The following SLC41A2 variants were observed in gnomAD, a reference collection of about 807,000 sequenced individuals.
SLC41A2 encodes solute carrier family 41 member 2.
In SLC41A2, 32 loss-of-function variants were observed where a neutral mutation model predicts 58.3. That is an observed-to-expected ratio of 0.55 (90% CI 0.41 to 0.74). The LOEUF (loss-of-function observed/expected upper bound fraction) is 0.74. Among genes scored for constraint, SLC41A2 ranks in the 30% least tolerant of loss-of-function variants. The pLI, the probability that SLC41A2 is intolerant of heterozygous loss-of-function variation, is 0.00. For missense variants in SLC41A2, 514 were observed against 680.6 expected, an observed-to-expected ratio of 0.76 and a Z score of 2.72; for synonymous variants, 190 against 235.0, an observed-to-expected ratio of 0.81 and a Z score of 1.75.
intron 1 of SLC41A2, among the ~76,000 whole-genome samples, chr12:104,935,994 G>C (rs767881622): frequency 1.3e-5 from 2 of 151,768 alleles, no homozygotes; most frequent in Non-Finnish European, 2.9e-5. Flanking sequence ...AGTGAGCCAA[G>C]GTTACACCAC....
chr12:104,810,302 G>A (rs980311032), intron 10 of SLC41A2, among the ~76,000 whole-genome samples: 1 of 152,090 alleles, frequency 6.6e-6, no homozygotes, highest in Non-Finnish European at 1.5e-5. Flanking sequence ...TTTGCTGATT[G>A]AATAAGTAAT....
chr12:104,905,777 G>A (rs544208828), intron 3 of SLC41A2, among the ~76,000 whole-genome samples: 3 of 152,234 alleles, frequency 2.0e-5, no homozygotes, highest in East Asian at 1.9e-4. Context: ...CCCATTGCCC[G>A]GGGACAGCAG....
chr12:104,830,417 T>C (rs1429088049), intron 10 of SLC41A2, among the ~76,000 whole-genome samples: 3 of 152,206 alleles, frequency 2.0e-5, no homozygotes, highest in Admixed American at 2.0e-4. Flanking sequence ...ACTTCACTCA[T>C]GAGGATTCAA....
At chr12:104,919,718 C>T (rs990525323) in intron 2 of SLC41A2, among the ~76,000 whole-genome samples, 4 of 152,160 alleles carry the variant, frequency 2.6e-5, no homozygotes, top group Non-Finnish European at 5.9e-5. Context: ...AGAGTTCTTA[C>T]ATATACTAAT....
In SLC41A2 at chr12:104,866,440, A is replaced by T; in HGVS notation, c.1167T>A (p.Val389=). 6.2e-7 allele frequency: 1 copy of T among 1,612,282 alleles called. No homozygotes were observed. Among genetic ancestry groups the T allele is most frequent in the Non-Finnish European group, 8.5e-7 (1 of 1,179,230 alleles). ...CATATTTTAATACTAACCTACTTAT[A>T]ACCATAGCTGTTATGACAGGCTCCC... is the stretch of plus-strand genomic sequence containing the variant. ...SGWEPVITAM[V]ISSIGGLILD... Residue 389 remains valine, a synonymous_variant, in exon 7 of 11, where the codon GTT becomes GTA. Coordinates refer to ENST00000258538, the MANE Select transcript of SLC41A2 (RefSeq NM_001352171.3).
chr12:104,878,905 T>A (rs2044205478), intron 6 of SLC41A2, among the ~76,000 whole-genome samples: 1 of 152,228 alleles, frequency 6.6e-6, no homozygotes, highest in South Asian at 2.1e-4. Flanking sequence ...TCCACAATGG[T>A]TGAACTAGTT....
chr12:104,905,575 C>T (rs1224226417), intron 3 of SLC41A2, among the ~76,000 whole-genome samples: 1 of 152,188 alleles, frequency 6.6e-6, no homozygotes. Context: ...TGGCGCTCAT[C>T]GGGGAGGCTC....
rs567899166 is a variant in SLC41A2 at position 104,841,231 on chromosome 12, C to T, written c.1536+3241G>A. Among the ~76,000 whole-genome samples, 6 of 151,950 alleles carry T rather than the reference C, an allele frequency of 3.9e-5. No individual in the cohort carries two copies. In the East Asian group the frequency reaches 1.2e-3, roughly 29 times the overall value. ...GATCACTGTTAGAAGTTGTGGGGTT[C>T]TGTGTTTCATTTTTAATTGTTTTTA... On this transcript the variant is annotated intron_variant, in intron 10 of 10. Coordinates refer to ENST00000258538, the MANE Select transcript of SLC41A2 (RefSeq NM_001352171.3).
chr12:104,821,566 G>A (rs1056516263), intron 10 of SLC41A2, among the ~76,000 whole-genome samples: 5 of 152,178 alleles, frequency 3.3e-5, no homozygotes, highest in Non-Finnish European at 7.3e-5. Context: ...TTACATATAT[G>A]AATGAATCTC....
Position 104,848,017 on chromosome 12 carries a change from T to TA in SLC41A2, c.1256-2044dup, listed in dbSNP as rs147626616. Among the ~76,000 whole-genome samples the TA allele has an allele frequency of 9.4e-3, 1,432 of 152,306 alleles. 13 individuals carry two copies. Among genetic ancestry groups the TA allele is most frequent in the Admixed American group, 0.014 (221 of 15,308 alleles). On this transcript the variant is annotated intron_variant, in intron 8 of 10. Transcript: ENST00000258538. The stretch of plus-strand genomic sequence containing the variant: ...TAATCTAAATTACATTTTTAGAACA[T>TA]ACTAGCCAACAACAGCAGAATACAT...
At chr12:104,919,156 C>G (rs191698888) in intron 2 of SLC41A2, among the ~76,000 whole-genome samples, 63 of 152,296 alleles carry the variant, frequency 4.1e-4, no homozygotes, top group African/African-American at 1.5e-3. Flanking sequence ...GGAGATTCAT[C>G]TAGGTTGTTG....
At chr12:104,814,141 C>T (rs1039648295) in intron 10 of SLC41A2, among the ~76,000 whole-genome samples, 2 of 152,120 alleles carry the variant, frequency 1.3e-5, no homozygotes, top group Non-Finnish European at 2.9e-5. Flanking sequence ...TGGTGGCTCA[C>T]ATCTGTAATC....
At chr12:104,932,969 G>A (rs1230836549) in intron 1 of SLC41A2, among the ~76,000 whole-genome samples, 2 of 152,000 alleles carry the variant, frequency 1.3e-5, no homozygotes, top group Non-Finnish European at 2.9e-5. Context: ...CTGGACATTG[G>A]TGTAGGCAAA....
chr12:104,922,350 G>A (rs145262602), intron 2 of SLC41A2, among the ~76,000 whole-genome samples: 48 of 151,850 alleles, frequency 3.2e-4, no homozygotes, highest in African/African-American at 1.1e-3. Flanking sequence ...TAGAAACCAA[G>A]AAAAGAGCAA....
chr12:104,851,400 T>C (rs1565840528), intron 8 of SLC41A2, among the ~76,000 whole-genome samples: 2 of 152,148 alleles, frequency 1.3e-5, no homozygotes, highest in Non-Finnish European at 2.9e-5. Context: ...TTTTTATTTT[T>C]AGAGACAGGG....
intron 3 of SLC41A2, among the ~76,000 whole-genome samples, chr12:104,900,828 G>C (rs2045524840): frequency 6.6e-6 from 1 of 152,220 alleles, no homozygotes; most frequent in East Asian, 1.9e-4. Context: ...GTTTTAATTT[G>C]ACTTTATTTT....
intron 4 of SLC41A2, among the ~76,000 whole-genome samples, chr12:104,890,259 C>T (rs2135673224): frequency 6.6e-6 from 1 of 152,212 alleles, no homozygotes; most frequent in South Asian, 2.1e-4. Flanking sequence ...TGGACTCCAG[C>T]CCCATGATCT....
At chr12:104,910,657 A>T (rs777752822) in intron 2 of SLC41A2, among the ~76,000 whole-genome samples, 4 of 152,162 alleles carry the variant, frequency 2.6e-5, no homozygotes, top group Non-Finnish European at 4.4e-5. Context: ...ATTCAGGCAT[A>T]ACTGACCAAC....
At chr12:104,811,171 C>G (rs1205413265) in intron 10 of SLC41A2, among the ~76,000 whole-genome samples, 2 of 152,138 alleles carry the variant, frequency 1.3e-5, no homozygotes, top group African/African-American at 4.8e-5. Flanking sequence ...AGACCAGTAT[C>G]TTGGTGTACT....
Sources: gnomAD v4.1 joint callset for allele counts (sites outside exome capture counted in the v4.1 genomes callset) on GRCh38, gnomAD v4.1.1 for gene constraint, MANE v1.5 for transcripts, NCBI Gene and HGNC (gene_info 2026-07-23, HGNC 2026-07-21) for gene names.